Variants in KAT6A observed in about 807,000 individuals in gnomAD.
KAT6A encodes lysine acetyltransferase 6A.
A neutral mutation model predicts 198.4 loss-of-function variants in KAT6A; 9 were observed. The observed-to-expected ratio is 0.05, with a 90% confidence interval of 0.03 to 0.08. The LOEUF (loss-of-function observed/expected upper bound fraction) is 0.08. Ranked by LOEUF, KAT6A falls within the 10% of genes least tolerant of loss-of-function variation. The pLI is 1.00. For synonymous variants in KAT6A, 890 were observed against 883.0 expected, an observed-to-expected ratio of 1.01 and a Z score of -0.14; for missense variants, 2,077 against 2,509.9, an observed-to-expected ratio of 0.83 and a Z score of 3.69.
chr8:41,964,520 C>T (rs1186053937), intron 8 of KAT6A, among the ~76,000 whole-genome samples: 5 of 150,736 alleles, frequency 3.3e-5, no homozygotes, highest in Admixed American at 2.7e-4. Flanking sequence ...AAATCTGAAA[C>T]GTTTTGAGCA....
intron 2 of KAT6A, among the ~76,000 whole-genome samples, chr8:42,025,987 C>G (rs1359108958): frequency 6.6e-6 from 1 of 152,186 alleles, no homozygotes; most frequent in African/African-American, 2.4e-5. Context: ...TTTCATTCTT[C>G]TGCTTATGGA....
At chr8:41,996,318 C>T (rs1239082417) in intron 2 of KAT6A, among the ~76,000 whole-genome samples, 1 of 152,144 alleles carries the variant, frequency 6.6e-6, no homozygotes, top group Non-Finnish European at 1.5e-5. Context: ...TACAAAATTT[C>T]TCAAGTTTTA....
intron 2 of KAT6A, among the ~76,000 whole-genome samples, chr8:41,998,861 T>G (rs1432548881): frequency 6.6e-6 from 1 of 151,884 alleles, no homozygotes; most frequent in Non-Finnish European, 1.5e-5. Flanking sequence ...AAAAAAAAAA[T>G]GAATGGCCTG....
Position 41,934,705 on chromosome 8 carries a change from C to A in KAT6A, c.3515G>T (p.Gly1172Val). 6.2e-7 allele frequency: 1 copy of A among 1,614,168 alleles called. No individual in the cohort carries two copies. The highest frequency in any genetic ancestry group is 1.1e-5 in the South Asian group (1 of 91,082). The change falls in exon 17 of 17, where the codon GGA becomes GTA. Residue 1172 changes from glycine (G) to valine (V), a missense_variant. This residue lies in a region of KAT6A where 375 missense variants were observed against 383.0 expected (regional missense o/e 0.98). Coordinates refer to ENST00000265713, the MANE Select transcript of KAT6A (RefSeq NM_006766.5). Reference protein sequence around the residue: ...HWKKRPGRKPGFKLSREIMPV... With the variant: ...HWKKRPGRKPVFKLSREIMPV... ...CATGATTTCCCGACTCAACTTAAAT[C>A]CTGGTTTTCGACCAGGTCTTTTCTT...
At chr8:41,988,107 G>C (rs544292284) in intron 2 of KAT6A, among the ~76,000 whole-genome samples, 1 of 152,308 alleles carries the variant, frequency 6.6e-6, no homozygotes, top group East Asian at 1.9e-4. Flanking sequence ...ATTATGTTTT[G>C]GGATCTTTAG....
Position 41,931,700 on chromosome 8 carries a change from C to T in KAT6A, c.*505G>A, listed in dbSNP as rs1236026802. Reference sequence around the variant, plus strand: ...CTTGGGTTGTTCTCCATGTCCCCATCCGAGTCTCCCCTAAGTGCCTCCTGC... The same window carrying T: ...CTTGGGTTGTTCTCCATGTCCCCATTCGAGTCTCCCCTAAGTGCCTCCTGC... On this transcript the variant is annotated 3_prime_UTR_variant, in exon 17 of 17. Coordinates refer to ENST00000265713, the MANE Select transcript of KAT6A (RefSeq NM_006766.5). The T allele has an allele frequency of 5.3e-6, 1 of 190,472 alleles. No homozygotes were observed. Among genetic ancestry groups the T allele is most frequent in the Non-Finnish European group, 1.1e-5 (1 of 90,670 alleles). 11.8% of individuals were successfully genotyped at this position (190,472 alleles called of 1,614,324 possible).
At chr8:42,029,350 A>T (rs1016647724) in intron 2 of KAT6A, among the ~76,000 whole-genome samples, 1 of 152,102 alleles carries the variant, frequency 6.6e-6, no homozygotes, top group Non-Finnish European at 1.5e-5. Context: ...TTCAGTTATT[A>T]TTTCAGTAAT....
chr8:41,933,662 A>G lies in KAT6A; in HGVS notation c.4558T>C (p.Ser1520Pro). 6.2e-7 allele frequency: 1 copy of G among 1,614,112 alleles called. No individual in the cohort carries two copies. Among genetic ancestry groups the G allele is most frequent in the Non-Finnish European group, 8.5e-7 (1 of 1,180,028 alleles). Residue 1520 changes from serine to proline, a missense_variant, in exon 17 of 17, where the codon TCC becomes CCC. Ser to Pro is a moderately conservative substitution (Grantham distance 74, BLOSUM62 -1). Transcript: ENST00000265713. This position sits in a 1 kb window ranked among gnomAD's most constrained non-coding sequence, Gnocchi z 6.2. ...TCCATGTTCTGCATAGAGGGTGCGG[A>G]CAGGGATCCTTGTTCTGGGCTGATC... ...TQISPEQGSL[S>P]APSMQNMETS...
intron 8 of KAT6A, among the ~76,000 whole-genome samples, chr8:41,965,139 ACT>A (rs1823403971): frequency 6.6e-6 from 1 of 152,194 alleles, no homozygotes; most frequent in Admixed American, 6.5e-5. Context: ...TTTTGATGGC[ACT>A]GTGTTAATGG....
chr8:42,026,384 T>C (rs904488822), intron 2 of KAT6A, among the ~76,000 whole-genome samples: 1 of 152,222 alleles, frequency 6.6e-6, no homozygotes, highest in Non-Finnish European at 1.5e-5. Flanking sequence ...TCAACAACAG[T>C]AATTCTTCCA....
intron 8 of KAT6A, among the ~76,000 whole-genome samples, chr8:41,965,333 A>C (rs1823419133): frequency 6.6e-6 from 1 of 152,216 alleles, no homozygotes; most frequent in Admixed American, 6.5e-5. Flanking sequence ...CTGTTTAAAA[A>C]TATTAAAACC....
At chr8:42,004,844 C>T (rs758343416) in intron 2 of KAT6A, among the ~76,000 whole-genome samples, 5 of 151,964 alleles carry the variant, frequency 3.3e-5, no homozygotes, top group Non-Finnish European at 5.9e-5. Context: ...AGGAGAATCA[C>T]TTGAACCTGG....
chr8:41,955,164 T>C (rs893263745), intron 9 of KAT6A, 132 bp downstream of exon 9: 8 of 633,616 alleles, frequency 1.3e-5, no homozygotes, highest in African/African-American at 9.5e-5. Flanking sequence ...CCGCTGCTAT[T>C]ATGGACATTT....
At chr8:41,972,119 A>C (rs1823822536) in intron 8 of KAT6A, among the ~76,000 whole-genome samples, 1 of 152,232 alleles carries the variant, frequency 6.6e-6, no homozygotes, top group South Asian at 2.1e-4. Flanking sequence ...GGAACAATTT[A>C]AGCATCAAAA....
At chr8:42,022,908 G>A (rs1252396359) in intron 2 of KAT6A, among the ~76,000 whole-genome samples, 1 of 152,174 alleles carries the variant, frequency 6.6e-6, no homozygotes. Context: ...ACAGTCATGT[G>A]TCGCTTAATG....
At chr8:41,972,876 A>G (rs912520498) in intron 8 of KAT6A, among the ~76,000 whole-genome samples, 7 of 152,242 alleles carry the variant, frequency 4.6e-5, no homozygotes, top group African/African-American at 1.7e-4. Flanking sequence ...AGTCAGGAAG[A>G]ACATAACTAC....
At chr8:42,032,022 C>T (rs186097210) in intron 2 of KAT6A, among the ~76,000 whole-genome samples, 120 of 151,928 alleles carry the variant, frequency 7.9e-4, no homozygotes, top group Non-Finnish European at 1.4e-3. Context: ...CTTCACCTCC[C>T]GGGTTCACGC....
At chr8:41,950,590 CA>C (rs1171715097) in intron 9 of KAT6A, among the ~76,000 whole-genome samples, 1 of 152,164 alleles carries the variant, frequency 6.6e-6, no homozygotes, top group Admixed American at 6.5e-5. Flanking sequence ...CTAAATATTA[CA>C]ACTAAATACT....
At chr8:41,988,716 C>G (rs188655268) in intron 2 of KAT6A, among the ~76,000 whole-genome samples, 93 of 152,272 alleles carry the variant, frequency 6.1e-4, no homozygotes, top group Non-Finnish European at 1.1e-3. Context: ...ACTAAGTGAA[C>G]TGAAAAGATG....
Sources: gnomAD v4.1 joint callset for allele counts (sites outside exome capture counted in the v4.1 genomes callset) on GRCh38, gnomAD v4.1.1 for gene constraint, gnomAD v4.1.1 regional missense constraint, Gnocchi (gnomAD v3.1) non-coding constraint, MANE v1.5 for transcripts, NCBI Gene and HGNC (gene_info 2026-07-23, HGNC 2026-07-21) for gene names.